The following SH3BP4 variants were observed in gnomAD, a reference collection of about 807,000 sequenced individuals.
SH3BP4 encodes SH3 domain binding protein 4, also known as SH3 domain-binding protein 4.
In SH3BP4, 33 loss-of-function variants were observed where a neutral mutation model predicts 65.5. That is an observed-to-expected ratio of 0.50 (90% CI 0.38 to 0.67). The LOEUF (loss-of-function observed/expected upper bound fraction) is 0.67. Among genes scored for constraint, SH3BP4 ranks in the 30% least tolerant of loss-of-function variants. The pLI is 0.00. For missense variants in SH3BP4, 1,134 were observed against 1,261.4 expected, an observed-to-expected ratio of 0.90 and a Z score of 1.53; for synonymous variants, 552 against 545.5, an observed-to-expected ratio of 1.01 and a Z score of -0.17.
intron 2 of SH3BP4, among the ~76,000 whole-genome samples, chr2:235,029,952 C>A (rs1478855713): frequency 6.6e-6 from 1 of 152,144 alleles, no homozygotes; most frequent in Admixed American, 6.5e-5. Context: ...GTTGAAGGAA[C>A]AATGCAGAGG....
Position 235,053,861 on chromosome 2 carries a change from C to T in SH3BP4, c.*45C>T, listed in dbSNP as rs907454514. The T allele has an allele frequency of 2.7e-6, 4 of 1,470,832 alleles. No individual in the cohort carries two copies. The highest frequency in any genetic ancestry group is 2.8e-5 in the African/African-American group (2 of 71,964). The allele number at this position is 1,470,832 out of a possible 1,614,324, so 91.1% of individuals were successfully genotyped here. A position where few individuals can be genotyped will look rare whatever the true frequency, so the allele number is the denominator to read the frequency against. ...GCTGCTCTGGAGTGCAAGCCCTCTT[C>T]TGCCCTGCGTGCCCTGCTGTCACCG... On this transcript the variant is annotated 3_prime_UTR_variant, in exon 6 of 6. Transcript: ENST00000392011.
At chr2:235,016,498 C>CTTTCT (rs577830552) in intron 2 of SH3BP4, among the ~76,000 whole-genome samples, 165 of 152,116 alleles carry the variant, frequency 1.1e-3, no homozygotes, top group African/African-American at 4.0e-3. Flanking sequence ...TTCACTCGTC[C>CTTTCT]TTTCTTTTCT....
chr2:234,981,762 G>A (rs1693391531), intron 1 of SH3BP4: 1 of 152,198 alleles, frequency 6.6e-6, no homozygotes. Flanking sequence ...TGTTGTGGGA[G>A]TGACTGCTTT....
chr2:235,007,608 C>T (rs773783626), intron 2 of SH3BP4, among the ~76,000 whole-genome samples: 7 of 152,152 alleles, frequency 4.6e-5, no homozygotes, highest in Non-Finnish European at 8.8e-5. Flanking sequence ...TGCTGTTTCA[C>T]CTAGAGAATT....
At position 235,052,979 on chromosome 2, in the gene SH3BP4, G is replaced by A. The variant is rs375026713; in HGVS notation, c.2667+229G>A. ...TTAGGATGTCAAGGCTGTTCCACACGACATGGGAAGGACAAACAGAACTGC... is the reference window on the plus strand; with the variant it reads ...TTAGGATGTCAAGGCTGTTCCACACAACATGGGAAGGACAAACAGAACTGC... On this transcript the variant is annotated intron_variant, in intron 5 of 5. Transcript: ENST00000392011. The surrounding 1 kb of genome is among the most constrained non-coding windows in gnomAD (Gnocchi z 5.0). Among the ~76,000 whole-genome samples the A allele has an allele frequency of 6.6e-6, 1 of 152,224 alleles. No homozygotes were observed. Among genetic ancestry groups the A allele is most frequent in the Non-Finnish European group, 1.5e-5 (1 of 68,046 alleles).
intron 1 of SH3BP4, among the ~76,000 whole-genome samples, chr2:234,957,714 C>A (rs1380260985): frequency 6.6e-6 from 1 of 151,862 alleles, no homozygotes; most frequent in Non-Finnish European, 1.5e-5. Context: ...GGAAAGCTTC[C>A]CGGGTGACTG....
chr2:234,978,496 G>A lies in SH3BP4; in HGVS notation c.-206-16807G>A, dbSNP rs535017477. ...GTCATCCGTCCAGCACTCTGTGCTC[G>A]CTGACTGGTGCGGTGAACTCTCCGG... On this transcript the variant is annotated intron_variant, in intron 1 of 5. Coordinates refer to ENST00000392011, the MANE Select transcript of SH3BP4 (RefSeq NM_014521.3). The surrounding 1 kb of genome is among the most constrained non-coding windows in gnomAD (Gnocchi z 4.1). Among the ~76,000 whole-genome samples the A allele has an allele frequency of 5.3e-5, 8 of 152,286 alleles. No individual in the cohort carries two copies. Among genetic ancestry groups the A allele is most frequent in the Admixed American group, 2.0e-4 (3 of 15,296 alleles).
At chr2:235,010,153 C>T (rs964235528) in intron 2 of SH3BP4, among the ~76,000 whole-genome samples, 1 of 152,130 alleles carries the variant, frequency 6.6e-6, no homozygotes, top group African/African-American at 2.4e-5. Context: ...ATGGTGCACA[C>T]GGCCCCTATG....
chr2:235,013,707 C>T (rs180698308), intron 2 of SH3BP4, among the ~76,000 whole-genome samples: 1 of 152,270 alleles, frequency 6.6e-6, no homozygotes, highest in Admixed American at 6.5e-5. Flanking sequence ...TCCCAAGCCT[C>T]TCCCCCCATT....
intron 1 of SH3BP4, among the ~76,000 whole-genome samples, chr2:234,971,302 G>A (rs964183716): frequency 2.0e-5 from 3 of 152,160 alleles, no homozygotes; most frequent in Admixed American, 6.5e-5. Context: ...TGTCTTCAAG[G>A]TTCATCCATG....
intron 4 of SH3BP4, among the ~76,000 whole-genome samples, chr2:235,047,790 C>T (rs1029797841): frequency 1.3e-5 from 2 of 152,064 alleles, no homozygotes; most frequent in African/African-American, 2.4e-5. Context: ...GACCTGGAGC[C>T]GTCGGTGATG....
chr2:235,016,514 T>C (rs762213260), intron 2 of SH3BP4, among the ~76,000 whole-genome samples: 7 of 152,164 alleles, frequency 4.6e-5, no homozygotes, highest in South Asian at 4.2e-4. Flanking sequence ...TTTCTTTTCT[T>C]TTTTTTCTTT....
intron 2 of SH3BP4, among the ~76,000 whole-genome samples, chr2:235,009,988 T>A (rs577912353): frequency 6.6e-6 from 1 of 152,230 alleles, no homozygotes; most frequent in African/African-American, 2.4e-5. Flanking sequence ...CTCAGTCACC[T>A]CCTTCTGGTG....
chr2:235,047,785 G>A (rs1385042850), intron 4 of SH3BP4, among the ~76,000 whole-genome samples: 1 of 152,180 alleles, frequency 6.6e-6, no homozygotes, highest in South Asian at 2.1e-4. Context: ...GTGGTGACCT[G>A]GAGCCGTCGG....
chr2:235,014,196 A>G (rs951963069), intron 2 of SH3BP4, among the ~76,000 whole-genome samples: 1 of 152,194 alleles, frequency 6.6e-6, no homozygotes, highest in Non-Finnish European at 1.5e-5. Flanking sequence ...GCCTGCCGAC[A>G]TCAGCCTGAT....
At chr2:235,049,919 C>A (rs1448436902) in intron 4 of SH3BP4, among the ~76,000 whole-genome samples, 3 of 151,806 alleles carry the variant, frequency 2.0e-5, no homozygotes, top group Admixed American at 6.6e-5. Context: ...AGATGCCTTG[C>A]GGCCCACACA....
At position 234,976,792 on chromosome 2, in the gene SH3BP4, GCCT is replaced by G. The variant is rs1693180255; in HGVS notation, c.-206-18506_-206-18504del. Among the ~76,000 whole-genome samples the G allele has an allele frequency of 6.6e-6, 1 of 152,088 alleles. No homozygotes were observed. Among genetic ancestry groups the G allele is most frequent in the African/African-American group, 2.4e-5 (1 of 41,406 alleles). Reference sequence around the variant, plus strand: ...GGCGTCTTACAGAATACCTAACCAGGCCTCCTCTACTGTCAAGGTCACCCAAAA... The same window carrying G: ...GGCGTCTTACAGAATACCTAACCAGGCCTCTACTGTCAAGGTCACCCAAAA... On this transcript the variant is annotated intron_variant, in intron 1 of 5. Transcript: ENST00000392011. The surrounding 1 kb of genome is among the most constrained non-coding windows in gnomAD (Gnocchi z 4.7).
chr2:234,982,995 C>A (rs1350372356), intron 1 of SH3BP4, among the ~76,000 whole-genome samples: 1 of 152,158 alleles, frequency 6.6e-6, no homozygotes, highest in Non-Finnish European at 1.5e-5. Flanking sequence ...GATCGGTGGA[C>A]CTGAGACCAA....
chr2:235,029,394 G>A (rs1695105646), intron 2 of SH3BP4, among the ~76,000 whole-genome samples: 1 of 152,172 alleles, frequency 6.6e-6, no homozygotes, highest in Non-Finnish European at 1.5e-5. Context: ...TTGGTGGGCA[G>A]GTGGGTGTCT....
Sources: allele counts gnomAD v4.1 joint callset (sites outside exome capture counted in the v4.1 genomes callset), GRCh38; gene constraint gnomAD v4.1.1; non-coding constraint Gnocchi (gnomAD v3.1); transcripts MANE v1.5; gene names NCBI Gene and HGNC (gene_info 2026-07-23, HGNC 2026-07-21).